The following ROCK2 variants were observed in gnomAD, a reference collection of about 807,000 sequenced individuals.
The protein encoded by ROCK2 is Rho associated coiled-coil containing protein kinase 2.
Under a neutral mutation model 195.1 loss-of-function variants are expected in ROCK2, and 61 were observed. The observed-to-expected ratio is 0.31, with a 90% CI of 0.25 to 0.39. The LOEUF (loss-of-function observed/expected upper bound fraction) is 0.39. Among genes scored for constraint, ROCK2 ranks in the 10% least tolerant of loss-of-function variants. ROCK2 has a pLI of 1.00. For synonymous variants in ROCK2, 504 were observed against 545.5 expected (o/e 0.92, Z 1.06); for missense variants, 1,109 against 1,637.4 (o/e 0.68, Z 5.57).
intron 18 of ROCK2, among the ~76,000 whole-genome samples, chr2:11,210,373 G>A (rs1250099035): frequency 1.3e-5 from 2 of 150,976 alleles, no homozygotes; most frequent in East Asian, 3.9e-4. Context: ...AGGCTCAAGT[G>A]CAGTGATGCA....
intron 17 of ROCK2, among the ~76,000 whole-genome samples, chr2:11,212,587 C>T (rs1438933313): frequency 1.3e-5 from 2 of 151,934 alleles, no homozygotes; most frequent in African/African-American, 2.4e-5. Flanking sequence ...GATCTAAGCC[C>T]CAATACTCCT....
chr2:11,314,142 A>C (rs1425132535), intron 1 of ROCK2, among the ~76,000 whole-genome samples: 1 of 151,970 alleles, frequency 6.6e-6, no homozygotes, highest in Non-Finnish European at 1.5e-5. Flanking sequence ...TAGAACTATG[A>C]TAAATGAATA....
At chr2:11,258,943 G>C (rs532010575) in intron 3 of ROCK2, among the ~76,000 whole-genome samples, 100 of 151,126 alleles carry the variant, frequency 6.6e-4, no homozygotes, top group Non-Finnish European at 1.3e-3. Flanking sequence ...GATTACTGAA[G>C]AAGTATGAAG....
In ROCK2 at chr2:11,217,116, G is replaced by T; in HGVS notation, c.1386C>A (p.Ala462=). ...TGCACTTCTGTTCCAGTTCCTCTTT[G>T]GCTTGCATCTCATTGCTAAGATGTT... The part of the protein sequence containing the change: ...LEEHLSNEMQ[A]KEELEQKCKS... The change falls in exon 12 of 33, where the codon GCC becomes GCA. Residue 462 remains alanine (A), a synonymous_variant. Coordinates refer to ENST00000315872, the MANE Select transcript of ROCK2 (RefSeq NM_004850.5). 1 of 1,568,056 alleles carries T rather than the reference G, an allele frequency of 6.4e-7. No individual in the cohort carries two copies. The highest frequency in any genetic ancestry group is 2.2e-5 in the East Asian group (1 of 44,542).
At chr2:11,216,720 C>CA (rs1385895922) in intron 12 of ROCK2, among the ~76,000 whole-genome samples, 1 of 147,838 alleles carries the variant, frequency 6.8e-6, no homozygotes, top group African/African-American at 2.5e-5. Context: ...TCTGTTTTTT[C>CA]TTTTTTTTTC....
chr2:11,195,124 A>T, intron 27 of ROCK2, 99 bp from the exon 28 acceptor site: 1 of 601,296 alleles, frequency 1.7e-6, no homozygotes, highest in Non-Finnish European at 2.8e-6. Context: ...AAACAAATAA[A>T]ATATATCCTT....
At chr2:11,303,236 AAAG>A (rs1420640696) in intron 1 of ROCK2, among the ~76,000 whole-genome samples, 5 of 152,200 alleles carry the variant, frequency 3.3e-5, no homozygotes, top group Admixed American at 1.3e-4. Flanking sequence ...CATGTTCTTC[AAAG>A]AAGATGTCAC....
At position 11,219,005 on chromosome 2, in the gene ROCK2, A is replaced by G; in HGVS notation, c.1281T>C (p.Ser427=). Residue 427 remains serine (S), a synonymous_variant, in exon 10 of 33, where the codon TCT becomes TCC. Coordinates refer to ENST00000315872, the MANE Select transcript of ROCK2 (RefSeq NM_004850.5). The stretch of plus-strand genomic sequence containing the variant: ...ATTGTATGGAATCAGTTTCTCTACA[A>G]GATGGAGAGTCACTTAATAATCTAC... ...RENLLLSDSP[S]CRETDSIQSR... 6.8e-7 allele frequency: 1 copy of G among 1,478,562 alleles called. No individual in the cohort carries two copies. Among genetic ancestry groups the G allele is most frequent in the South Asian group, 1.3e-5 (1 of 79,506 alleles). The allele number at this position is 1,478,562 out of a possible 1,614,324, so 91.6% of individuals were successfully genotyped here. A position where few individuals can be genotyped will look rare whatever the true frequency, so the allele number is the denominator to read the frequency against.
At chr2:11,243,419 A>G (rs2148117754) in intron 4 of ROCK2, among the ~76,000 whole-genome samples, 1 of 152,340 alleles carries the variant, frequency 6.6e-6, no homozygotes, top group South Asian at 2.1e-4. Flanking sequence ...CAAAAGAAGA[A>G]TTTTAAAATT....
chr2:11,186,017 C>A (rs1165576041), intron 32 of ROCK2, among the ~76,000 whole-genome samples: 8 of 152,094 alleles, frequency 5.3e-5, no homozygotes, highest in Non-Finnish European at 8.8e-5. Context: ...AAATAAAAAA[C>A]CTGAGGCGAT....
Position 11,201,548 on chromosome 2 carries a change from A to G in ROCK2, c.2620-135T>C. ...CTGCTAAGTCCCCGAGCAAATGAAT[A>G]GTTTAATGAACTTTCCTATTTCTAG... On this transcript the variant is annotated intron_variant, in intron 21 of 32. Transcript: ENST00000315872. The surrounding 1 kb of genome is among the most constrained non-coding windows in gnomAD (Gnocchi z 4.6). 1 of 608,272 alleles carries G rather than the reference A, an allele frequency of 1.6e-6. No individual in the cohort carries two copies. Among genetic ancestry groups the G allele is most frequent in the Non-Finnish European group, 2.9e-6 (1 of 343,954 alleles). 37.7% of individuals were successfully genotyped at this position (608,272 alleles called of 1,614,324 possible). A position where few individuals can be genotyped will look rare whatever the true frequency, so the allele number is the denominator to read the frequency against.
intron 1 of ROCK2, among the ~76,000 whole-genome samples, chr2:11,290,681 A>G (rs1354155940): frequency 2.6e-5 from 4 of 152,108 alleles, no homozygotes; most frequent in African/African-American, 9.7e-5. Context: ...AAAGTCACAG[A>G]GGTCTATTGG....
intron 3 of ROCK2, among the ~76,000 whole-genome samples, chr2:11,251,773 G>A (rs1194337709): frequency 2.0e-5 from 3 of 152,070 alleles, no homozygotes; most frequent in Admixed American, 6.5e-5. Flanking sequence ...AGCTGACAAA[G>A]GGCTAATAAC....
At chr2:11,245,575 C>T (rs1188237684) in intron 4 of ROCK2, among the ~76,000 whole-genome samples, 1 of 151,984 alleles carries the variant, frequency 6.6e-6, no homozygotes, top group Non-Finnish European at 1.5e-5. Context: ...CCTAGCAATC[C>T]CAATGCTAGG....
At chr2:11,338,911 CAAAA>C (rs35796085) in intron 1 of ROCK2, among the ~76,000 whole-genome samples, 1 of 131,424 alleles carries the variant, frequency 7.6e-6, no homozygotes. Flanking sequence ...ATCTTTACTG[CAAAA>C]AAAAAAAAAA....
At chr2:11,288,819 C>T (rs1005432021) in intron 1 of ROCK2, among the ~76,000 whole-genome samples, 5 of 152,026 alleles carry the variant, frequency 3.3e-5, no homozygotes, top group Non-Finnish European at 7.4e-5. Flanking sequence ...CACCTGTAAT[C>T]CCAGCTACTT....
At chr2:11,194,212 CT>C in intron 29 of ROCK2, 43 bp downstream of exon 29, 1 of 862,316 alleles carries the variant, frequency 1.2e-6, no homozygotes, top group Non-Finnish European at 1.8e-6. Flanking sequence ...GTCTCTTATA[CT>C]TTAAAAGATA....
At chr2:11,289,764 T>C (rs1667304413) in intron 1 of ROCK2, among the ~76,000 whole-genome samples, 4 of 152,180 alleles carry the variant, frequency 2.6e-5, no homozygotes, top group Admixed American at 6.5e-5. Flanking sequence ...CCCCAAAAGT[T>C]CTCTCCAAGA....
At chr2:11,342,204 C>A (rs1669127956) in intron 1 of ROCK2, among the ~76,000 whole-genome samples, 1 of 152,172 alleles carries the variant, frequency 6.6e-6, no homozygotes, top group Non-Finnish European at 1.5e-5. Context: ...CAACTAGAAA[C>A]AGCAATAACA....
Sources: allele counts gnomAD v4.1 joint callset (sites outside exome capture counted in the v4.1 genomes callset), GRCh38; gene constraint gnomAD v4.1.1; non-coding constraint Gnocchi (gnomAD v3.1); transcripts MANE v1.5; gene names NCBI Gene and HGNC (gene_info 2026-07-23, HGNC 2026-07-21).